Variants in EFNA5 observed in about 807,000 individuals in gnomAD.
EFNA5 encodes ephrin-A5.
EFNA5 carries 5 observed loss-of-function variants against 22.9 expected under a neutral mutation model. The ratio of observed to expected loss-of-function variants is 0.22; its 90% CI spans 0.11 to 0.46. The LOEUF (loss-of-function observed/expected upper bound fraction) is 0.46, where lower values mean the gene tolerates loss of function less well. Ranked by LOEUF, EFNA5 falls within the 20% of genes least tolerant of loss-of-function variation. The pLI is 0.99. For missense variants in EFNA5, 237 were observed against 293.3 expected (o/e 0.81, Z 1.40); for synonymous variants, 113 against 112.2 (o/e 1.01, Z -0.04).
chr5:107,522,984 C>T (rs1023442226), intron 1 of EFNA5, among the ~76,000 whole-genome samples: 4 of 152,138 alleles, frequency 2.6e-5, no homozygotes, highest in Admixed American at 2.6e-4. Flanking sequence ...AATGTAAAGA[C>T]TATTTAATTT....
intron 2 of EFNA5, among the ~76,000 whole-genome samples, chr5:107,410,022 CTTTTTTTTTT>C (rs70996956): frequency 2.3e-5 from 2 of 88,002 alleles, no homozygotes; most frequent in Non-Finnish European, 4.4e-5. Context: ...TGACATGATT[CTTTTTTTTTT>C]TTTTTTTTTT....
chr5:107,415,814 A>C (rs1432081208), intron 2 of EFNA5, among the ~76,000 whole-genome samples: 2 of 152,240 alleles, frequency 1.3e-5, no homozygotes, highest in Non-Finnish European at 2.9e-5. Context: ...AAGTATAACT[A>C]ATTACAATAA....
chr5:107,522,876 T>C (rs574021782), intron 1 of EFNA5, among the ~76,000 whole-genome samples: 2 of 152,204 alleles, frequency 1.3e-5, no homozygotes, highest in Non-Finnish European at 2.9e-5. Context: ...TTCAGTTACT[T>C]GAATAAAGGC....
chr5:107,494,514 C>A (rs1746914985), intron 1 of EFNA5, among the ~76,000 whole-genome samples: 1 of 152,220 alleles, frequency 6.6e-6, no homozygotes, highest in Admixed American at 6.5e-5. Flanking sequence ...GCCCGCCATA[C>A]CTGAGCCTCC....
intron 1 of EFNA5, among the ~76,000 whole-genome samples, chr5:107,573,851 T>G (rs1748866928): frequency 6.6e-6 from 1 of 152,192 alleles, no homozygotes; most frequent in East Asian, 1.9e-4. Context: ...GCTTCTGCTG[T>G]GAATAGAGCT....
At chr5:107,644,347 A>G (rs1750586402) in intron 1 of EFNA5, among the ~76,000 whole-genome samples, 1 of 152,194 alleles carries the variant, frequency 6.6e-6, no homozygotes, top group South Asian at 2.1e-4. Flanking sequence ...TTACTTAAAA[A>G]ATGAGGAAAA....
chr5:107,622,591 C>G (rs1380423631), intron 1 of EFNA5, among the ~76,000 whole-genome samples: 1 of 152,152 alleles, frequency 6.6e-6, no homozygotes, highest in Non-Finnish European at 1.5e-5. Flanking sequence ...CTATGCTCAA[C>G]TCCTTGCAAA....
At chr5:107,481,525 CCT>C (rs747401083) in intron 1 of EFNA5, among the ~76,000 whole-genome samples, 4 of 152,090 alleles carry the variant, frequency 2.6e-5, no homozygotes, top group Non-Finnish European at 5.9e-5. Flanking sequence ...GTGAGGATGT[CCT>C]CTGTTTTTGA....
At chr5:107,617,231 CACACACAG>C (rs1749940132) in intron 1 of EFNA5, among the ~76,000 whole-genome samples, 1 of 148,348 alleles carries the variant, frequency 6.7e-6, no homozygotes, top group Non-Finnish European at 1.5e-5. Flanking sequence ...CACACACACA[CACACACAG>C]AGAGAGAGAG....
chr5:107,516,171 G>GTTT (rs1561419552), intron 1 of EFNA5, among the ~76,000 whole-genome samples: 1 of 53,108 alleles, frequency 1.9e-5, no homozygotes, highest in African/African-American at 5.8e-5. Context: ...TGCCTGGCTA[G>GTTT]TTTTGTGTGT....
At chr5:107,471,575 C>T (rs1207552265) in intron 1 of EFNA5, among the ~76,000 whole-genome samples, 6 of 152,292 alleles carry the variant, frequency 3.9e-5, no homozygotes, top group East Asian at 3.9e-4. Context: ...CAAATTCATG[C>T]TAGTCAGTTG....
intron 1 of EFNA5, among the ~76,000 whole-genome samples, chr5:107,482,987 G>A (rs774222915): frequency 4.6e-5 from 7 of 151,424 alleles, no homozygotes; most frequent in Non-Finnish European, 8.8e-5. Context: ...TGTATTTCAC[G>A]CACTGGTGCC....
intron 1 of EFNA5, among the ~76,000 whole-genome samples, chr5:107,436,820 CA>C (rs1383349728): frequency 6.6e-6 from 1 of 152,132 alleles, no homozygotes; most frequent in Non-Finnish European, 1.5e-5. Flanking sequence ...AGCCACCTGT[CA>C]AACTGCTTAC....
At chr5:107,448,866 T>TAAATAAATAAATAAAATA (rs111606856) in intron 1 of EFNA5, among the ~76,000 whole-genome samples, 2,163 of 141,186 alleles carry the variant, frequency 0.015, 29 homozygotes, top group East Asian at 0.077. Context: ...AATAAATAAA[T>TAAATAAATAAATAAAATA]AAATAAAATA....
intron 1 of EFNA5, among the ~76,000 whole-genome samples, chr5:107,429,672 G>C (rs1748897551): frequency 6.6e-6 from 1 of 152,154 alleles, no homozygotes; most frequent in Admixed American, 6.5e-5. Flanking sequence ...CTAATCATGA[G>C]AACCTGCCTT....
At chr5:107,630,786 C>T (rs1044889374) in intron 1 of EFNA5, among the ~76,000 whole-genome samples, 1 of 152,180 alleles carries the variant, frequency 6.6e-6, no homozygotes, top group Admixed American at 6.5e-5. Context: ...GCTTGAAACA[C>T]AAATACATTG....
intron 1 of EFNA5, among the ~76,000 whole-genome samples, chr5:107,541,407 T>A (rs62355615): frequency 6.6e-6 from 1 of 152,148 alleles, no homozygotes; most frequent in Non-Finnish European, 1.5e-5. Context: ...ATAAATGTTA[T>A]AATCAGAAAA....
At chr5:107,587,964 G>T (rs1462511719) in intron 1 of EFNA5, among the ~76,000 whole-genome samples, 3 of 152,146 alleles carry the variant, frequency 2.0e-5, no homozygotes, top group Admixed American at 1.3e-4. Flanking sequence ...GCTCTATGGT[G>T]CCAGGCACCA....
intron 1 of EFNA5, among the ~76,000 whole-genome samples, chr5:107,617,994 C>T (rs1056210910): frequency 2.0e-5 from 3 of 151,894 alleles, no homozygotes; most frequent in Non-Finnish European, 4.4e-5. Flanking sequence ...AAGACGCTGT[C>T]TCTGTTTAAA....
Sources: gnomAD v4.1 joint callset for allele counts (sites outside exome capture counted in the v4.1 genomes callset) on GRCh38, gnomAD v4.1.1 for gene constraint, MANE v1.5 for transcripts, NCBI Gene and HGNC (gene_info 2026-07-23, HGNC 2026-07-21) for gene names.